The following MTR variants were observed in gnomAD, a reference collection of about 807,000 sequenced individuals.
The protein encoded by MTR is 5-methyltetrahydrofolate-homocysteine methyltransferase, also known as methionine synthase.
MTR carries 84 observed loss-of-function variants against 154.8 expected under a neutral mutation model. The ratio of observed to expected loss-of-function variants is 0.54; its 90% confidence interval spans 0.45 to 0.65. The LOEUF (loss-of-function observed/expected upper bound fraction) is 0.65. MTR is among the 30% of genes least tolerant of loss of function. The probability of loss-of-function intolerance (pLI) is 0.00; values close to 1 mark genes in which losing one functional copy is unlikely to be tolerated. For missense variants in MTR, 1,275 were observed against 1,570.2 expected (o/e 0.81, Z 3.18); for synonymous variants, 554 against 553.9 (o/e 1.00, Z 0.00).
chr1:236,819,801 G>T (rs752589916), intron 8 of MTR: 7 of 761,114 alleles, frequency 9.2e-6, no homozygotes, highest in Non-Finnish European at 1.4e-5. Context: ...GAGGACCTGG[G>T]AGAAGCTACA....
At chr1:236,897,308 A>ATG (rs57608445) in intron 32 of MTR, among the ~76,000 whole-genome samples, 190 bp downstream of exon 32, 61,249 of 123,264 alleles carry the variant, frequency 0.5, 16,356 homozygotes, top group Non-Finnish European at 0.57. Context: ...AGCCACACAC[A>ATG]CGCACACACA....
rs908185605 is a variant in MTR at position 236,838,400 on chromosome 1, C to A, written c.1330-14C>A. On this transcript the variant is annotated splice_polypyrimidine_tract_variant and intron_variant, in intron 14 of 32. Transcript: ENST00000366577. ...TGTGGCCTCTGTGTGATTTTCTTGC[C>A]TTTCTGATCTCAGGTACCTTTGTGC... 2 of 1,613,928 alleles carry A rather than the reference C, an allele frequency of 1.2e-6. No individual in the cohort carries two copies. The highest frequency in any genetic ancestry group is 1.3e-5 in the African/African-American group (1 of 74,916).
rs543626189 is a variant in MTR at position 236,835,757 on chromosome 1, T to C, written c.1329+70T>C. On this transcript the variant is annotated intron_variant, in intron 14 of 32. Transcript: ENST00000366577. ...TTTGACACTCATTTAACCGTGCCAG[T>C]TGTCCCATTAATCTGTGAACTCAAG... 1.9e-6 allele frequency: 3 copies of C among 1,594,818 alleles called. No individual in the cohort carries two copies. The Admixed American group carries it at 5.0e-5, about 27-fold the overall frequency.
At chr1:236,890,650 A>G (rs1181002273) in intron 28 of MTR, among the ~76,000 whole-genome samples, 1 of 152,218 alleles carries the variant, frequency 6.6e-6, no homozygotes. Flanking sequence ...CCCAAATTGA[A>G]GAATCCCTTC....
intron 10 of MTR, among the ~76,000 whole-genome samples, chr1:236,825,750 C>T (rs541754933): frequency 2.6e-5 from 4 of 152,160 alleles, no homozygotes; most frequent in African/African-American, 4.8e-5. Context: ...TCCCCCTGGC[C>T]GCCCATTGTC....
intron 18 of MTR, among the ~76,000 whole-genome samples, chr1:236,856,687 C>A (rs191863827): frequency 6.6e-6 from 1 of 152,200 alleles, no homozygotes; most frequent in Admixed American, 6.5e-5. Context: ...CCTAGCTTCC[C>A]AACCCCCCGA....
chr1:236,899,602 G>C lies in MTR; in HGVS notation c.*1958G>C, dbSNP rs2147972516. 6.6e-6 allele frequency: 1 copy of C among 152,314 alleles called. No individual in the cohort carries two copies. Among genetic ancestry groups the C allele is most frequent in the Admixed American group, 6.5e-5 (1 of 15,302 alleles). 9.4% of individuals were successfully genotyped at this position (152,314 alleles called of 1,614,324 possible). A position where few individuals can be genotyped will look rare whatever the true frequency, so the allele number is the denominator to read the frequency against. On this transcript the variant is annotated 3_prime_UTR_variant, in exon 33 of 33. Transcript: ENST00000366577. ...GCCTTAGGGCAGGAAAGAATCTCTT[G>C]AGACATAAAGTAGTAATCATAAAGG... is the stretch of plus-strand genomic sequence containing the variant.
At chr1:236,895,698 A>G (rs1666587191) in intron 31 of MTR, 148 bp downstream of exon 31, 3 of 754,772 alleles carry the variant, frequency 4.0e-6, no homozygotes, top group Admixed American at 2.9e-5. Context: ...ACTCGTAGCT[A>G]TTCTGCATTT....
intron 1 of MTR, among the ~76,000 whole-genome samples, chr1:236,799,531 A>G (rs1455812331): frequency 1.3e-5 from 2 of 152,110 alleles, no homozygotes; most frequent in African/African-American, 2.4e-5. Context: ...TCTATTCACA[A>G]TTCTCTTGTT....
intron 17 of MTR, 52 bp from the exon 18 acceptor site, chr1:236,852,896 G>A (rs535763820): frequency 1.1e-5 from 17 of 1,605,246 alleles, no homozygotes; most frequent in African/African-American, 1.3e-5. Flanking sequence ...TTTGCTGATC[G>A]CTGACTTAAG....
At chr1:236,856,864 T>C (rs1029690931) in intron 18 of MTR, among the ~76,000 whole-genome samples, 2 of 152,210 alleles carry the variant, frequency 1.3e-5, no homozygotes, top group Non-Finnish European at 2.9e-5. Flanking sequence ...CATGAACTCA[T>C]CCTTTTTTAT....
chr1:236,856,998 A>G (rs747679223), intron 18 of MTR, among the ~76,000 whole-genome samples: 5 of 152,120 alleles, frequency 3.3e-5, no homozygotes, highest in Admixed American at 1.3e-4. Flanking sequence ...ACATACGTGT[A>G]TGTATCTTTA....
At chr1:236,887,836 T>C (rs1043357075) in intron 27 of MTR, among the ~76,000 whole-genome samples, 1 of 152,222 alleles carries the variant, frequency 6.6e-6, no homozygotes, top group Non-Finnish European at 1.5e-5. Context: ...CAAACATTTC[T>C]TAAATTCTGG....
At chr1:236,810,756 C>T (rs964988130) in intron 5 of MTR, among the ~76,000 whole-genome samples, 161 bp downstream of exon 5, 6 of 152,156 alleles carry the variant, frequency 3.9e-5, no homozygotes, top group Non-Finnish European at 7.3e-5. Flanking sequence ...ATATAGTAGA[C>T]ATCTAAATAG....
At chr1:236,852,450 A>T in intron 16 of MTR, 71 bp from the exon 17 acceptor site, 2 of 1,112,374 alleles carry the variant, frequency 1.8e-6, no homozygotes, top group Admixed American at 3.4e-5. Context: ...CTCCTATATA[A>T]AGCTTAAGAG....
intron 27 of MTR, among the ~76,000 whole-genome samples, chr1:236,888,337 G>C (rs1337529572): frequency 6.6e-6 from 1 of 152,214 alleles, no homozygotes; most frequent in Non-Finnish European, 1.5e-5. Context: ...GAGGGCAGAT[G>C]GCAGTGCTGC....
At chr1:236,890,169 C>T (rs1666238853) in intron 28 of MTR, among the ~76,000 whole-genome samples, 1 of 152,028 alleles carries the variant, frequency 6.6e-6, no homozygotes, top group Admixed American at 6.6e-5. Flanking sequence ...CCTGGGTGTG[C>T]GTGTTCGGAT....
chr1:236,880,890 A>G lies in MTR; in HGVS notation c.2676+54A>G, dbSNP rs956302345. 1.7e-5 allele frequency: 25 copies of G among 1,491,310 alleles called. No homozygotes were observed. The Admixed American group carries it at 4.2e-4, about 25-fold the overall frequency. 92.4% of individuals were successfully genotyped at this position (1,491,310 alleles called of 1,614,324 possible). On this transcript the variant is annotated intron_variant, in intron 25 of 32. Transcript: ENST00000366577. Reference sequence around the variant, plus strand: ...AGATGTGTTGGAAAGCTTGCATTACAAGTAAGGGTTTAACTTAAGATCTAT... The same window carrying G: ...AGATGTGTTGGAAAGCTTGCATTACGAGTAAGGGTTTAACTTAAGATCTAT...
chr1:236,853,071 C>T lies in MTR; in HGVS notation c.1936C>T (p.Leu646Phe). ...WNKDPEATEKLLRYAQTQGTG... is the reference protein window; with the variant it reads ...WNKDPEATEKFLRYAQTQGTG... ...TAAAGACCCTGAGGCCACTGAGAAG[C>T]TCTTACGTTATGCCCAGGTAGAGAG... The change falls in exon 18 of 33, where the codon CTC (leucine) becomes TTC (phenylalanine). Residue 646 changes from leucine (L) to phenylalanine (F), a missense_variant. Coordinates refer to ENST00000366577, the MANE Select transcript of MTR (RefSeq NM_000254.3). The T allele has an allele frequency of 5.0e-6, 8 of 1,614,036 alleles. No individual in the cohort carries two copies. The highest frequency in any genetic ancestry group is 6.8e-6 in the Non-Finnish European group (8 of 1,179,938).
Sources: allele counts gnomAD v4.1 joint callset (sites outside exome capture counted in the v4.1 genomes callset), GRCh38; gene constraint gnomAD v4.1.1; transcripts MANE v1.5; gene names NCBI Gene and HGNC (gene_info 2026-07-23, HGNC 2026-07-21).